CNOT10: variants seen among roughly 807,000 people sequenced by gnomAD.
The protein encoded by CNOT10 is CCR4-NOT transcription complex, subunit 10.
In CNOT10, 30 loss-of-function variants were observed where a neutral mutation model predicts 94.6. That is an observed-to-expected ratio of 0.32 (90% CI 0.24 to 0.43). CNOT10 has a LOEUF of 0.43. Ranked by LOEUF, CNOT10 falls within the 20% of genes least tolerant of loss-of-function variation. The pLI is 1.00. For synonymous variants in CNOT10, 289 were observed against 301.6 expected (o/e 0.96, Z 0.43); for missense variants, 759 against 877.2 (o/e 0.87, Z 1.70).
At chr3:32,763,072 A>G (rs933895204) in intron 15 of CNOT10, among the ~76,000 whole-genome samples, 6 of 152,184 alleles carry the variant, frequency 3.9e-5, no homozygotes, top group African/African-American at 1.4e-4. Flanking sequence ...CTCACTTTTG[A>G]AAGGCTGGTA....
chr3:32,756,460 G>T lies in CNOT10; in HGVS notation c.1596-2998G>T, dbSNP rs558645213. On this transcript the variant is annotated intron_variant, in intron 13 of 18. Coordinates refer to ENST00000328834, the MANE Select transcript of CNOT10 (RefSeq NM_015442.3). ...CCCAAAGTGGGTTTGACAGTGGGCT[G>T]GAGCAGTAATAGCCCACCTACTGTC... 2.0e-5 allele frequency among the ~76,000 whole-genome samples: 3 copies of T among 152,288 alleles called. No homozygotes were observed. In the South Asian group the frequency reaches 6.2e-4, roughly 32 times the overall value.
rs183319649 is a variant in CNOT10, at chr3:32,769,550, G to A, written c.2005-337G>A. On this transcript the variant is annotated intron_variant, in intron 17 of 18. Coordinates refer to ENST00000328834, the MANE Select transcript of CNOT10 (RefSeq NM_015442.3). The stretch of plus-strand genomic sequence containing the variant: ...ACAACTTACAGTTTGTAATACTGAA[G>A]TGTTACTTAGGAAAACAAATGGGCA... 12 of 230,354 alleles carry A rather than the reference G, an allele frequency of 5.2e-5. No individual in the cohort carries two copies. In the Admixed American group the frequency reaches 5.4e-4, roughly 10 times the overall value. The allele number at this position is 230,354 out of a possible 1,614,324, so 14.3% of individuals were successfully genotyped here.
At chr3:32,725,920 T>G (rs78876671) in intron 9 of CNOT10, among the ~76,000 whole-genome samples, 3,224 of 134,626 alleles carry the variant, frequency 0.024, 63 homozygotes, top group Middle Eastern at 0.079. Flanking sequence ...CAAACTAGGT[T>G]TATTATAGTT....
intron 8 of CNOT10, among the ~76,000 whole-genome samples, chr3:32,724,289 A>C (rs1424935391): frequency 1.5e-5 from 2 of 132,678 alleles, no homozygotes; most frequent in East Asian, 4.6e-4. Context: ...TCTGTCACCC[A>C]GGCTGGAATG....
intron 17 of CNOT10, chr3:32,769,446 A>G (rs1700802387): frequency 5.8e-6 from 1 of 171,528 alleles, no homozygotes; most frequent in Non-Finnish European, 1.3e-5. Context: ...TTCAGTCCTT[A>G]AGAATGGAGA....
intron 13 of CNOT10, among the ~76,000 whole-genome samples, chr3:32,758,819 T>G (rs187198939): frequency 1.3e-5 from 2 of 152,346 alleles, no homozygotes; most frequent in Admixed American, 1.3e-4. Context: ...GCGAAATCAA[T>G]GTAACTTAAA....
chr3:32,749,422 T>C (rs1314550881), intron 13 of CNOT10, among the ~76,000 whole-genome samples: 3 of 150,564 alleles, frequency 2.0e-5, no homozygotes, highest in Middle Eastern at 3.4e-3. Context: ...TTTTTTTTTT[T>C]TTTTGAGACT....
At chr3:32,715,507 C>T (rs758064344) in intron 5 of CNOT10, among the ~76,000 whole-genome samples, 3 of 152,100 alleles carry the variant, frequency 2.0e-5, no homozygotes, top group Non-Finnish European at 4.4e-5. Flanking sequence ...ACTTTGAATA[C>T]TAGAAAGTTC....
chr3:32,697,564 A>G (rs569690794), intron 1 of CNOT10, among the ~76,000 whole-genome samples: 1 of 152,188 alleles, frequency 6.6e-6, no homozygotes, highest in South Asian at 2.1e-4. Flanking sequence ...TCAACCTCCC[A>G]GGCTTCAACG....
At chr3:32,771,716 A>G (rs1308390807) in intron 18 of CNOT10, among the ~76,000 whole-genome samples, 1 of 152,218 alleles carries the variant, frequency 6.6e-6, no homozygotes, top group African/African-American at 2.4e-5. Flanking sequence ...TTACAAGTTA[A>G]GCTTATCTCC....
intron 17 of CNOT10, chr3:32,769,419 A>T (rs1700801067): frequency 6.1e-6 from 1 of 165,050 alleles, no homozygotes; most frequent in African/African-American, 2.4e-5. Context: ...ATTTTATTGG[A>T]CTAAATTGAA....
chr3:32,692,611 TATGGAGTAATTG>T (rs1355590592), intron 1 of CNOT10, among the ~76,000 whole-genome samples: 16 of 152,202 alleles, frequency 1.1e-4, no homozygotes, highest in African/African-American at 3.4e-4. Flanking sequence ...AGAGGTAATT[TATGGAGTAATTG>T]GCATTTCGTA....
chr3:32,750,055 A>G (rs573186728), intron 13 of CNOT10, among the ~76,000 whole-genome samples: 1 of 152,256 alleles, frequency 6.6e-6, no homozygotes, highest in African/African-American at 2.4e-5. Flanking sequence ...TGTCTCTACA[A>G]AAAATTTAGT....
rs753190187 is a variant in CNOT10 at position 32,725,615 on chromosome 3, G to C, written c.1012+16G>C. 3.2e-6 allele frequency: 5 copies of C among 1,586,778 alleles called. No individual in the cohort carries two copies. Among genetic ancestry groups the C allele is most frequent in the South Asian group, 1.2e-5 (1 of 86,152 alleles). ...ACTGATCCAGGTAAGCCCAGTACTG[G>C]GGGACAGTTTGTATTTACTACTTCA... On this transcript the variant is annotated intron_variant, in intron 9 of 18. Coordinates refer to ENST00000328834, the MANE Select transcript of CNOT10 (RefSeq NM_015442.3).
chr3:32,695,968 AGTGTGTGTGT>A (rs764702440), intron 1 of CNOT10: 1,477 of 432,818 alleles, frequency 3.4e-3, no homozygotes, highest in Non-Finnish European at 4.0e-3. Flanking sequence ...TGTTGAAGAG[AGTGTGTGTGT>A]GTGTGTGTGT....
intron 7 of CNOT10, among the ~76,000 whole-genome samples, chr3:32,717,914 A>G (rs1559489401): frequency 2.0e-5 from 3 of 152,108 alleles, no homozygotes; most frequent in Admixed American, 2.0e-4. Context: ...TAACAGTCAA[A>G]TTATAGCCAA....
chr3:32,773,774 C>A lies in CNOT10; in HGVS notation c.*163C>A. ...AAGCTTACTTAAAATTAAGGATTTA[C>A]TAAGTCATCATCAGCTGTTTTTCTT... On this transcript the variant is annotated 3_prime_UTR_variant, in exon 19 of 19. Coordinates refer to ENST00000328834, the MANE Select transcript of CNOT10 (RefSeq NM_015442.3). 1 of 634,918 alleles carries A rather than the reference C, an allele frequency of 1.6e-6. No individual in the cohort carries two copies. Among genetic ancestry groups the A allele is most frequent in the Non-Finnish European group, 2.5e-6 (1 of 396,168 alleles). The allele number at this position is 634,918 out of a possible 1,614,324, so 39.3% of individuals were successfully genotyped here. A position where few individuals can be genotyped will look rare whatever the true frequency, so the allele number is the denominator to read the frequency against.
chr3:32,759,975 G>A (rs544161803), intron 14 of CNOT10, among the ~76,000 whole-genome samples: 1 of 152,170 alleles, frequency 6.6e-6, no homozygotes, highest in South Asian at 2.1e-4. Flanking sequence ...GAGGTCAGGA[G>A]TTCAAGACCA....
intron 13 of CNOT10, among the ~76,000 whole-genome samples, chr3:32,749,405 AT>A (rs61077906): frequency 0.65 from 62,618 of 95,926 alleles, 18,574 homozygotes; most frequent in East Asian, 0.85. Flanking sequence ...TGTTGAGTTA[AT>A]TTTTTTTTTT....
Sources: allele counts gnomAD v4.1 joint callset (sites outside exome capture counted in the v4.1 genomes callset), GRCh38; gene constraint gnomAD v4.1.1; transcripts MANE v1.5; gene names NCBI Gene and HGNC (gene_info 2026-07-23, HGNC 2026-07-21).